STK3: variants seen among roughly 807,000 people sequenced by gnomAD.
STK3 encodes the protein serine/threonine-protein kinase 3.
A neutral mutation model predicts 58.0 loss-of-function variants in STK3; 41 were observed. The ratio of observed to expected loss-of-function variants is 0.71; its 90% confidence interval spans 0.55 to 0.92. STK3 has a LOEUF of 0.92. Among genes scored for constraint, STK3 ranks in the 40% least tolerant of loss-of-function variants. The pLI is 0.00. For synonymous variants in STK3, 170 were observed against 191.0 expected (o/e 0.89, Z 0.91); for missense variants, 479 against 602.7 (o/e 0.79, Z 2.15).
At chr8:98,347,274 G>C in the STK3 span, among the ~76,000 whole-genome samples, 2 of 151,906 alleles carry the variant, frequency 1.3e-5, no homozygotes, top group African/African-American at 4.9e-5. Flanking sequence ...CAGCACTTTG[G>C]GAGGCCGAGG....
rs1817408696 is a variant in STK3, at chr8:98,613,848, T to C, written c.685-17679A>G. ...TACAGGCATGTTGAAAGAAAAATGA[T>C]GGAAGAAATATAACATGCAAACAAT... On this transcript the variant is annotated intron_variant, in intron 6 of 10. Transcript: ENST00000419617. Among the ~76,000 whole-genome samples, 2 of 151,956 alleles carry C rather than the reference T, an allele frequency of 1.3e-5. 1 individual carries two copies. Among genetic ancestry groups the C allele is most frequent in the South Asian group, 4.2e-4 (2 of 4,816 alleles).
At chr8:98,703,259 A>C (rs1023505594) in intron 6 of STK3, among the ~76,000 whole-genome samples, 7 of 152,178 alleles carry the variant, frequency 4.6e-5, no homozygotes, top group African/African-American at 1.7e-4. Flanking sequence ...GTGTCTAGGC[A>C]AAAACACAGA....
intron 1 of STK3, among the ~76,000 whole-genome samples, chr8:98,813,863 C>G (rs991813081): frequency 6.6e-6 from 1 of 152,126 alleles, no homozygotes; most frequent in African/African-American, 2.4e-5. Context: ...AACATATTCA[C>G]GTCCTATTAA....
chr8:98,883,828 G>A lies in STK3; in HGVS notation c.-72C>T, dbSNP rs927807317. 30 of 672,122 alleles carry A rather than the reference G, an allele frequency of 4.5e-5. 1 individual carries two copies. In the South Asian group the frequency reaches 4.8e-4, roughly 11 times the overall value. 41.6% of individuals were successfully genotyped at this position (672,122 alleles called of 1,614,324 possible). On this transcript the variant is annotated 5_prime_UTR_variant, in exon 2 of 2. Coordinates refer to the STK3 transcript ENST00000519420. ...TCCAAATTCCTGAAGAAGGGACATT[G>A]AATGGCCTATTTGGAATAAAAGATT...
chr8:98,563,460 T>TAGGCTAGTATACACAC (rs1211574174), intron 8 of STK3, among the ~76,000 whole-genome samples: 1 of 152,274 alleles, frequency 6.6e-6, no homozygotes, highest in African/African-American at 2.4e-5. Context: ...TGTATATACA[T>TAGGCTAGTATACACAC]AGGCTAGTAT....
chr8:98,741,160 C>T (rs1184801839), intron 4 of STK3, among the ~76,000 whole-genome samples: 2 of 152,096 alleles, frequency 1.3e-5, no homozygotes, highest in Admixed American at 6.5e-5. Flanking sequence ...ACTTTAACAC[C>T]CCACTGTCAA....
intron 3 of STK3, among the ~76,000 whole-genome samples, chr8:98,831,197 A>G (rs1435188960): frequency 1.3e-5 from 2 of 152,142 alleles, no homozygotes; most frequent in East Asian, 1.9e-4. Flanking sequence ...GTACACCACC[A>G]TGTTTAAAAT....
intron 1 of STK3, chr8:98,921,173 C>T (rs562809041): frequency 6.6e-6 from 1 of 152,128 alleles, no homozygotes; most frequent in South Asian, 2.1e-4. Flanking sequence ...TATCTATTTC[C>T]CCTTTTAGAC....
At chr8:98,876,134 G>A (rs1367520965) in intron 3 of STK3, among the ~76,000 whole-genome samples, 2 of 152,156 alleles carry the variant, frequency 1.3e-5, no homozygotes, top group East Asian at 3.9e-4. Context: ...AATCCCTTCT[G>A]GGGTACAACA....
At chr8:98,462,300 T>C (rs927656952) in intron 10 of STK3, among the ~76,000 whole-genome samples, 9 of 152,124 alleles carry the variant, frequency 5.9e-5, no homozygotes, top group African/African-American at 2.2e-4. Context: ...CATCAAAATA[T>C]GAATGGATAA....
chr8:98,838,525 G>A (rs1239689027), intron 3 of STK3, among the ~76,000 whole-genome samples: 2 of 152,054 alleles, frequency 1.3e-5, no homozygotes, highest in Non-Finnish European at 2.9e-5. Flanking sequence ...CCTAGAGCAG[G>A]AGCGAAAAAA....
intron 3 of STK3, among the ~76,000 whole-genome samples, chr8:98,755,118 G>T (rs1284409119): frequency 2.0e-5 from 3 of 152,160 alleles, no homozygotes; most frequent in Admixed American, 6.5e-5. Context: ...GTAAGTAGAT[G>T]GATCCAAGTC....
chr8:98,482,270 C>CTG (rs1821911601), intron 10 of STK3, among the ~76,000 whole-genome samples: 1 of 152,170 alleles, frequency 6.6e-6, no homozygotes, highest in African/African-American at 2.4e-5. Flanking sequence ...AATCCAAAGG[C>CTG]TGTGATTCCT....
intron 7 of STK3, among the ~76,000 whole-genome samples, chr8:98,592,699 G>C (rs1815422383): frequency 6.6e-6 from 1 of 151,736 alleles, no homozygotes; most frequent in Admixed American, 6.6e-5. Flanking sequence ...TTGATAAAAA[G>C]GGAAGAGATC....
intron 2 of STK3, among the ~76,000 whole-genome samples, chr8:98,771,633 C>T (rs1831321921): frequency 1.3e-5 from 2 of 151,992 alleles, no homozygotes; most frequent in African/African-American, 4.8e-5. Context: ...GGCACAATCT[C>T]GGCTCACTGC....
At chr8:98,538,072 AC>A (rs1475441992) in intron 9 of STK3, among the ~76,000 whole-genome samples, 1 of 152,184 alleles carries the variant, frequency 6.6e-6, no homozygotes, top group East Asian at 1.9e-4. Context: ...CATGATTATG[AC>A]AAAGATATTC....
At chr8:98,780,660 G>A (rs1364505370) in intron 1 of STK3, among the ~76,000 whole-genome samples, 1 of 150,996 alleles carries the variant, frequency 6.6e-6, no homozygotes, top group East Asian at 1.9e-4. Flanking sequence ...GAAACACAGG[G>A]GAAAAAAAAA....
intron 1 of STK3, among the ~76,000 whole-genome samples, chr8:98,793,331 A>T (rs926638933): frequency 1.3e-5 from 2 of 148,894 alleles, no homozygotes; most frequent in African/African-American, 4.9e-5. Flanking sequence ...TATGGAAATT[A>T]AAAAAAAATT....
At chr8:98,874,676 G>A (rs1293466003) in intron 3 of STK3, among the ~76,000 whole-genome samples, 1 of 151,776 alleles carries the variant, frequency 6.6e-6, no homozygotes, top group African/African-American at 2.4e-5. Flanking sequence ...ACCCAGGCTG[G>A]AGGGTAGTGG....
Sources: gnomAD v4.1 joint callset for allele counts (sites outside exome capture counted in the v4.1 genomes callset) on GRCh38, gnomAD v4.1.1 for gene constraint, MANE v1.5 for transcripts, NCBI Gene and HGNC (gene_info 2026-07-23, HGNC 2026-07-21) for gene names.